Variants in POU6F2 observed in about 807,000 individuals in gnomAD.
The protein encoded by POU6F2 is POU domain, class 6, transcription factor 2.
A neutral mutation model predicts 71.3 loss-of-function variants in POU6F2; 31 were observed. The ratio of observed to expected loss-of-function variants is 0.43; its 90% CI spans 0.33 to 0.59. The LOEUF (loss-of-function observed/expected upper bound fraction) is 0.59, where lower values mean the gene tolerates loss of function less well. POU6F2 is among the 20% of genes least tolerant of loss of function. The probability of loss-of-function intolerance (pLI) is 0.04; values close to 1 mark genes in which losing one functional copy is unlikely to be tolerated. For synonymous variants in POU6F2, 347 were observed against 355.7 expected, an observed-to-expected ratio of 0.98 and a Z score of 0.27; for missense variants, 783 against 856.8, an observed-to-expected ratio of 0.91 and a Z score of 1.07.
At chr7:39,093,614 A>G (rs1356301603) in intron 2 of POU6F2, among the ~76,000 whole-genome samples, 2 of 152,072 alleles carry the variant, frequency 1.3e-5, no homozygotes, top group African/African-American at 4.8e-5. Flanking sequence ...TGACTGATGT[A>G]CCTTCCAAAT....
At chr7:39,066,179 A>G (rs1562692065) in intron 1 of POU6F2, among the ~76,000 whole-genome samples, 1 of 151,778 alleles carries the variant, frequency 6.6e-6, no homozygotes, top group African/African-American at 2.4e-5. Context: ...CTGATAAAAT[A>G]CAACAGCCAT....
intron 5 of POU6F2, among the ~76,000 whole-genome samples, chr7:39,344,651 TC>T (rs3216236): frequency 0.57 from 85,806 of 151,130 alleles, 24,485 homozygotes; most frequent in East Asian, 0.74. Flanking sequence ...CCAAACCCCC[TC>T]CCCCCCCAGC....
At chr7:39,112,491 T>C (rs1048942590) in intron 2 of POU6F2, among the ~76,000 whole-genome samples, 1 of 152,188 alleles carries the variant, frequency 6.6e-6, no homozygotes, top group African/African-American at 2.4e-5. Flanking sequence ...TTCAATATGC[T>C]TATAACCAAA....
intron 5 of POU6F2, among the ~76,000 whole-genome samples, chr7:39,364,403 A>G (rs970003987): frequency 3.3e-5 from 5 of 151,714 alleles, no homozygotes; most frequent in Non-Finnish European, 7.4e-5. Context: ...GTGGTCTTTT[A>G]TCCCTCACCC....
intron 4 of POU6F2, among the ~76,000 whole-genome samples, chr7:39,329,684 G>A (rs1216968271): frequency 6.6e-6 from 1 of 152,148 alleles, no homozygotes; most frequent in Non-Finnish European, 1.5e-5. Flanking sequence ...GAATCAGGAT[G>A]AGGCTGGGAC....
intron 4 of POU6F2, among the ~76,000 whole-genome samples, chr7:39,279,964 C>G (rs1170834483): frequency 6.6e-6 from 1 of 152,018 alleles, no homozygotes; most frequent in East Asian, 1.9e-4. Context: ...CCAGGCTGGT[C>G]TCGAACTCCT....
At position 39,464,106 on chromosome 7, in the gene POU6F2, T is replaced by TCAGGCAGG; in HGVS notation, c.1659-67_1659-60dup. ...GCAGTAAATTCGCCCTGCCAGGCAG[T>TCAGGCAGG]CAGGCAGGCAGGCAGGAGGCCCACC... On this transcript the variant is annotated intron_variant, in intron 9 of 9. Transcript: ENST00000518318. This position sits in a 1 kb window ranked among gnomAD's most constrained non-coding sequence, Gnocchi z 4.1. The TCAGGCAGG allele has an allele frequency of 1.3e-6, 2 of 1,515,780 alleles. No individual in the cohort carries two copies. Among genetic ancestry groups the TCAGGCAGG allele is most frequent in the South Asian group, 1.3e-5 (1 of 78,434 alleles). 93.9% of individuals were successfully genotyped at this position (1,515,780 alleles called of 1,614,324 possible). A position where few individuals can be genotyped will look rare whatever the true frequency, so the allele number is the denominator to read the frequency against.
intron 4 of POU6F2, among the ~76,000 whole-genome samples, chr7:39,299,570 T>G (rs1026303661): frequency 2.6e-5 from 4 of 152,168 alleles, no homozygotes; most frequent in Admixed American, 2.6e-4. Flanking sequence ...TGTAAATAGG[T>G]AATGAGGGGC....
chr7:39,453,540 C>T (rs1788710821), intron 8 of POU6F2, among the ~76,000 whole-genome samples: 1 of 152,132 alleles, frequency 6.6e-6, no homozygotes, highest in African/African-American at 2.4e-5. Context: ...GTGTTTCACA[C>T]AAGGTAAATA....
intron 4 of POU6F2, among the ~76,000 whole-genome samples, chr7:39,303,811 T>C (rs759051680): frequency 3.8e-4 from 58 of 152,236 alleles, no homozygotes; most frequent in Non-Finnish European, 7.5e-4. Flanking sequence ...GAAATTGTCT[T>C]ATTAATTCTT....
chr7:39,467,168 G>T lies in POU6F2; in HGVS notation c.*2482G>T, dbSNP rs1442144764. 6.6e-6 allele frequency: 1 copy of T among 152,120 alleles called. No homozygotes were observed. The highest frequency in any genetic ancestry group is 1.5e-5 in the Non-Finnish European group (1 of 68,022). The allele number at this position is 152,120 out of a possible 1,614,324, so 9.4% of individuals were successfully genotyped here. On this transcript the variant is annotated 3_prime_UTR_variant, in exon 10 of 10. Coordinates refer to ENST00000518318, the MANE Select transcript of POU6F2 (RefSeq NM_001370959.1). ...ACAGTCGTAACACCATTCATGTGCA[G>T]TGATTTTTTTATAGTTTTATAATTT...
chr7:39,138,599 G>A (rs921217544), intron 2 of POU6F2, among the ~76,000 whole-genome samples: 2 of 152,036 alleles, frequency 1.3e-5, no homozygotes, highest in Non-Finnish European at 1.5e-5. Flanking sequence ...ACTGTCTCCC[G>A]TCATCCCCAG....
chr7:39,134,920 T>C (rs1792359273), intron 2 of POU6F2, among the ~76,000 whole-genome samples: 1 of 152,238 alleles, frequency 6.6e-6, no homozygotes, highest in African/African-American at 2.4e-5. Context: ...AATTTTGTAA[T>C]ATTTCTTCAT....
chr7:39,106,056 T>C (rs1404379088), intron 2 of POU6F2, among the ~76,000 whole-genome samples: 1 of 152,208 alleles, frequency 6.6e-6, no homozygotes, highest in East Asian at 1.9e-4. Flanking sequence ...GCAGAACTTT[T>C]CACAAAAGCT....
Position 39,460,073 on chromosome 7 carries a change from C to A in POU6F2, c.1490-474C>A, listed in dbSNP as rs929907874. 6.6e-6 allele frequency among the ~76,000 whole-genome samples: 1 copy of A among 152,120 alleles called. No individual in the cohort carries two copies. The highest frequency in any genetic ancestry group is 1.5e-5 in the Non-Finnish European group (1 of 68,024). On this transcript the variant is annotated intron_variant, in intron 8 of 9. Transcript: ENST00000518318. The surrounding 1 kb of genome is among the most constrained non-coding windows in gnomAD (Gnocchi z 4.4). ...CTAGCTGTTAGCCTGACTGCTTTGG[C>A]GATCAGTTGAAGGAAAAATACAAAA...
chr7:39,064,349 T>C (rs6462893), intron 1 of POU6F2, among the ~76,000 whole-genome samples: 126,008 of 151,740 alleles, frequency 0.83, 52,600 homozygotes, highest in East Asian at 1. Context: ...TTCTCAACTA[T>C]GAGAGTTGAA....
At chr7:39,085,091 G>A (rs193274866) in intron 1 of POU6F2, 1 of 152,210 alleles carries the variant, frequency 6.6e-6, no homozygotes, top group East Asian at 1.9e-4. Flanking sequence ...TGCTCTGGGT[G>A]TACGATGCTC....
rs754490527 is a variant in POU6F2, at chr7:39,207,559, A to G, written c.537A>G (p.Gln179=). The change falls in exon 4 of 10, where the codon CAA becomes CAG. Residue 179 remains glutamine (Q), a synonymous_variant. Transcript: ENST00000518318. The part of the protein sequence containing the change: ...TLPTANLTNI[Q]GLVAAAAAGG... ...CAACAGCGAATCTCACCAACATCCA[A>G]GGGCTGGTGGCAGCAGCTGCAGCCG... is the stretch of plus-strand genomic sequence containing the variant. 1 of 1,614,028 alleles carries G rather than the reference A, an allele frequency of 6.2e-7. No homozygotes were observed. Among genetic ancestry groups the G allele is most frequent in the South Asian group, 1.1e-5 (1 of 91,084 alleles).
chr7:39,434,318 T>C (rs2116037190), intron 7 of POU6F2, among the ~76,000 whole-genome samples: 1 of 152,146 alleles, frequency 6.6e-6, no homozygotes, highest in Admixed American at 6.5e-5. Flanking sequence ...AAGGGCTCTA[T>C]AAACAATCTA....
Sources: gnomAD v4.1 joint callset for allele counts (sites outside exome capture counted in the v4.1 genomes callset) on GRCh38, gnomAD v4.1.1 for gene constraint, Gnocchi (gnomAD v3.1) non-coding constraint, MANE v1.5 for transcripts, NCBI Gene and HGNC (gene_info 2026-07-23, HGNC 2026-07-21) for gene names.